The following TRPS1 variants were observed in gnomAD, a reference collection of about 807,000 sequenced individuals.
The protein encoded by TRPS1 is zinc finger transcription factor Trps1.
TRPS1 carries 6 observed loss-of-function variants against 101.2 expected under a neutral mutation model. The observed-to-expected ratio is 0.06, with a 90% CI of 0.03 to 0.12. The LOEUF is 0.12. TRPS1 is among the 10% of genes least tolerant of loss of function. TRPS1 has a pLI of 1.00. For synonymous variants in TRPS1, 578 were observed against 589.8 expected (o/e 0.98, Z 0.29); for missense variants, 1,363 against 1,567.0 (o/e 0.87, Z 2.20).
chr8:115,527,622 CTG>C (rs1563576341), intron 5 of TRPS1, among the ~76,000 whole-genome samples: 3 of 151,990 alleles, frequency 2.0e-5, no homozygotes, highest in Non-Finnish European at 4.4e-5. Context: ...TATAATAAAA[CTG>C]AAACTGTGAG....
At chr8:115,521,727 A>C (rs1291296761) in intron 5 of TRPS1, among the ~76,000 whole-genome samples, 1 of 151,984 alleles carries the variant, frequency 6.6e-6, no homozygotes, top group Non-Finnish European at 1.5e-5. Flanking sequence ...AAAAATAGCA[A>C]TATTTGTAGA....
At position 115,434,508 on chromosome 8, in the gene TRPS1, C is replaced by T. The variant is rs542675350; in HGVS notation, c.2701-16056G>A. Among the ~76,000 whole-genome samples the T allele has an allele frequency of 3.9e-5, 6 of 152,158 alleles. No homozygotes were observed. In the South Asian group the frequency reaches 1.2e-3, roughly 32 times the overall value. ...TATCCTTACATTTTATAAAAAGTTA[C>T]CTTTATCACTTAAGGTTCATAAAAT... On this transcript the variant is annotated intron_variant, in intron 5 of 6. Coordinates refer to ENST00000395715, the MANE Select transcript of TRPS1 (RefSeq NM_014112.5).
At position 115,619,630 on chromosome 8, in the gene TRPS1, G is replaced by A. The variant is rs1267904290; in HGVS notation, c.468C>T (p.Pro156=). ...ADDPQDMACT[P]SGDSLETKED... is the part of the protein sequence containing the mutation. ...CCTTTGTCTCCAGTGAGTCCCCTGA[G>A]GGGGTGCAGGCCATATCTTGAGGGT... Residue 156 remains proline (P), a synonymous_variant, in exon 3 of 7, where the codon CCC becomes CCT. Transcript: ENST00000395715. 3.1e-6 allele frequency: 5 copies of A among 1,614,084 alleles called. No homozygotes were observed. Among genetic ancestry groups the A allele is most frequent in the Admixed American group, 1.7e-5 (1 of 60,010 alleles).
chr8:115,439,292 T>C (rs1563731917), intron 5 of TRPS1, among the ~76,000 whole-genome samples: 1 of 152,136 alleles, frequency 6.6e-6, no homozygotes, highest in Non-Finnish European at 1.5e-5. Context: ...CTTGTGAAAC[T>C]GACATGGAAG....
chr8:115,474,214 T>C (rs1300799443), intron 5 of TRPS1, among the ~76,000 whole-genome samples: 3 of 152,150 alleles, frequency 2.0e-5, no homozygotes, highest in African/African-American at 7.2e-5. Flanking sequence ...ATTTTAATAA[T>C]CTGATAATGT....
At chr8:115,567,148 C>T (rs80148887) in intron 5 of TRPS1, among the ~76,000 whole-genome samples, 1 of 17,262 alleles carries the variant, frequency 5.8e-5, no homozygotes. Flanking sequence ...CCAAGATATA[C>T]TTGTTCCAGA....
intron 1 of TRPS1, among the ~76,000 whole-genome samples, chr8:115,667,684 G>A (rs1042284447): frequency 4.6e-5 from 7 of 152,164 alleles, no homozygotes; most frequent in Non-Finnish European, 1.0e-4. Flanking sequence ...GCTCTGAGGC[G>A]GGTGCACCAA....
At chr8:115,582,586 C>T (rs1817476383) in intron 5 of TRPS1, among the ~76,000 whole-genome samples, 2 of 152,150 alleles carry the variant, frequency 1.3e-5, no homozygotes, top group Admixed American at 1.3e-4. Context: ...GCACAACACT[C>T]CTGTGAGGGT....
chr8:115,640,225 T>G (rs1362547236), intron 1 of TRPS1, among the ~76,000 whole-genome samples: 1 of 152,220 alleles, frequency 6.6e-6, no homozygotes, highest in African/African-American at 2.4e-5. Flanking sequence ...ATTAATTTTA[T>G]GTACCTCTTT....
intron 5 of TRPS1, among the ~76,000 whole-genome samples, chr8:115,501,738 GT>G (rs1292500390): frequency 6.6e-6 from 1 of 152,092 alleles, no homozygotes; most frequent in Non-Finnish European, 1.5e-5. Flanking sequence ...AATCATTTTT[GT>G]TTGTCACATC....
chr8:115,554,400 A>C (rs1333897836), intron 5 of TRPS1, among the ~76,000 whole-genome samples: 2 of 152,198 alleles, frequency 1.3e-5, no homozygotes, highest in African/African-American at 2.4e-5. Flanking sequence ...AAAAAGTAGA[A>C]GGGCATTTCC....
intron 5 of TRPS1, among the ~76,000 whole-genome samples, chr8:115,422,375 T>A (rs1813086090): frequency 6.6e-6 from 1 of 152,004 alleles, no homozygotes; most frequent in African/African-American, 2.4e-5. Flanking sequence ...CACACTTTTT[T>A]TTTTTTTTTG....
intron 1 of TRPS1, among the ~76,000 whole-genome samples, chr8:115,641,672 G>C (rs1222259447): frequency 6.6e-6 from 1 of 152,138 alleles, no homozygotes; most frequent in African/African-American, 2.4e-5. Flanking sequence ...CTGAGGTCAG[G>C]AGTTCGAGAT....
At chr8:115,665,568 T>C (rs1046493771) in intron 1 of TRPS1, among the ~76,000 whole-genome samples, 1 of 152,176 alleles carries the variant, frequency 6.6e-6, no homozygotes, top group Non-Finnish European at 1.5e-5. Flanking sequence ...ACTGAAAATA[T>C]GGTAGTAGTA....
chr8:115,605,922 G>A (rs1188952560), intron 3 of TRPS1, among the ~76,000 whole-genome samples: 1 of 152,140 alleles, frequency 6.6e-6, no homozygotes, highest in African/African-American at 2.4e-5. Context: ...TCAATAGGCA[G>A]TACAATTAAG....
At chr8:115,488,192 T>A (rs763765371) in intron 5 of TRPS1, among the ~76,000 whole-genome samples, 2 of 151,974 alleles carry the variant, frequency 1.3e-5, no homozygotes, top group Non-Finnish European at 2.9e-5. Context: ...AGCAATAAGG[T>A]ATTTTTAAAT....
At chr8:115,421,823 C>T (rs949321990) in intron 5 of TRPS1, among the ~76,000 whole-genome samples, 5 of 152,096 alleles carry the variant, frequency 3.3e-5, no homozygotes, top group Admixed American at 2.6e-4. Flanking sequence ...ACACTGTGTA[C>T]AATGTAACCT....
chr8:115,518,964 C>T (rs1041675082), intron 5 of TRPS1, among the ~76,000 whole-genome samples: 12 of 151,770 alleles, frequency 7.9e-5, no homozygotes, highest in African/African-American at 2.9e-4. Context: ...CTATGCAACA[C>T]TTTCCTATGC....
intron 5 of TRPS1, among the ~76,000 whole-genome samples, chr8:115,586,416 T>C (rs1817560135): frequency 1.3e-5 from 2 of 152,286 alleles, no homozygotes; most frequent in African/African-American, 2.4e-5. Flanking sequence ...CACTCTTCTT[T>C]GGCCGCTTTT....
Sources: gnomAD v4.1 joint callset for allele counts (sites outside exome capture counted in the v4.1 genomes callset) on GRCh38, gnomAD v4.1.1 for gene constraint, MANE v1.5 for transcripts, NCBI Gene and HGNC (gene_info 2026-07-23, HGNC 2026-07-21) for gene names.